DMD: variants seen among roughly 807,000 people sequenced by gnomAD.
DMD encodes the protein mutant dystrophin.
A neutral mutation model predicts 330.1 loss-of-function variants in DMD; 63 were observed. The ratio of observed to expected loss-of-function variants is 0.19; its 90% confidence interval spans 0.16 to 0.24. DMD has a LOEUF of 0.24. Among genes scored for constraint, DMD ranks in the 10% least tolerant of loss-of-function variants. The pLI, the probability that DMD is intolerant of heterozygous loss-of-function variation, is 1.00. For missense variants in DMD, 3,344 were observed against 2,684.1 expected, an observed-to-expected ratio of 1.25 and a Z score of -5.43; for synonymous variants, 1,223 against 959.8, an observed-to-expected ratio of 1.27 and a Z score of -5.07.
At chrX:32,465,575 G>GTTT (rs1569563838) in intron 23 of DMD, among the ~76,000 whole-genome samples, 2 of 27,833 alleles carry the variant, frequency 7.2e-5, no homozygotes, top group African/African-American at 1.2e-4. Flanking sequence ...TTTTTTGTTT[G>GTTT]TTTTTTGTTT....
chrX:33,217,171 A>G (rs753447650), intron 1 of DMD, among the ~76,000 whole-genome samples: 1 of 111,601 alleles, frequency 9.0e-6, no homozygotes, highest in African/African-American at 3.2e-5. Context: ...TATAAGGCAT[A>G]TATTTCTTAG....
rs1296838767 is a variant in DMD at position 32,019,691 on chromosome X, A to G, written c.6439-51177T>C. Among the ~76,000 whole-genome samples, 3 of 112,152 alleles carry G rather than the reference A, an allele frequency of 2.7e-5. No individual in the cohort carries two copies. In the Admixed American group the frequency reaches 2.8e-4, roughly 11 times the overall value. On this transcript the variant is annotated intron_variant, in intron 44 of 78. Transcript: ENST00000357033. ...GTATGCTGTACTTTGTCCCATCTCA[A>G]TGAAATTACATGCAGCAAATTTGTT...
intron 7 of DMD, among the ~76,000 whole-genome samples, chrX:32,722,101 CT>C (rs966689128): frequency 9.1e-6 from 1 of 109,676 alleles, no homozygotes; most frequent in Non-Finnish European, 1.9e-5. Flanking sequence ...GTATTTCCAA[CT>C]TTTTTTTCCT....
chrX:31,898,475 A>G lies in DMD; in HGVS notation c.6913-23102T>C, dbSNP rs753960103. ...TCAGAAGTAACGCCGCATATCTACA[A>G]CTATCTGATCTTTGACAAACCTGAG... is the stretch of plus-strand genomic sequence containing the variant. On this transcript the variant is annotated intron_variant, in intron 47 of 78. Coordinates refer to ENST00000357033, the MANE Select transcript of DMD (RefSeq NM_004006.3). Among the ~76,000 whole-genome samples, 25 of 111,119 alleles carry G rather than the reference A, an allele frequency of 2.2e-4. 1 individual carries two copies. The highest frequency in any genetic ancestry group is 7.9e-4 in the African/African-American group (24 of 30,572).
chrX:32,195,958 C>G (rs145754006), intron 44 of DMD, among the ~76,000 whole-genome samples: 156 of 111,926 alleles, frequency 1.4e-3, no homozygotes, highest in African/African-American at 5.0e-3. Context: ...TCATTTGTTA[C>G]TATCTATCTT....
intron 44 of DMD, among the ~76,000 whole-genome samples, chrX:32,165,336 G>T (rs77039249): frequency 1.8e-5 from 2 of 112,822 alleles, no homozygotes; most frequent in Non-Finnish European, 3.7e-5. Flanking sequence ...CCCACCTCTT[G>T]CATCAGTGTT....
At chrX:32,286,607 C>G (rs5971615) in intron 43 of DMD, among the ~76,000 whole-genome samples, 37,836 of 110,740 alleles carry the variant, frequency 0.34, 4,782 homozygotes, top group Middle Eastern at 0.51. Context: ...AGCTCTTACA[C>G]TTTAGAAAAA....
intron 11 of DMD, among the ~76,000 whole-genome samples, chrX:32,622,534 C>T (rs2058065398): frequency 9.0e-6 from 1 of 111,686 alleles, no homozygotes. Context: ...CACTCTTGAT[C>T]ATATTTAATA....
chrX:31,255,234 T>A (rs2147546573), intron 63 of DMD, among the ~76,000 whole-genome samples: 1 of 111,335 alleles, frequency 9.0e-6, no homozygotes, highest in African/African-American at 3.3e-5. Context: ...AATATTATAT[T>A]AGTATTTCAA....
intron 47 of DMD, among the ~76,000 whole-genome samples, chrX:31,920,721 T>G (rs1324886142): frequency 1.8e-5 from 2 of 112,222 alleles, no homozygotes; most frequent in Non-Finnish European, 3.8e-5. Context: ...CTCTTCATCA[T>G]TTTAAATCCA....
chrX:32,850,104 GGA>G (rs1052927430), intron 2 of DMD, among the ~76,000 whole-genome samples: 3 of 111,605 alleles, frequency 2.7e-5, no homozygotes, highest in Non-Finnish European at 5.6e-5. Context: ...ATTCTATGAA[GGA>G]GAGAAAAAAT....
At chrX:32,206,981 AG>A (rs777381439) in intron 44 of DMD, among the ~76,000 whole-genome samples, 166 of 111,767 alleles carry the variant, frequency 1.5e-3, no homozygotes, top group African/African-American at 4.9e-3. Flanking sequence ...ACATAGTAGT[AG>A]CAGTGGTCAG....
At chrX:32,340,795 C>T (rs1359036966) in intron 41 of DMD, among the ~76,000 whole-genome samples, 1 of 111,765 alleles carries the variant, frequency 8.9e-6, no homozygotes, top group Non-Finnish European at 1.9e-5. Context: ...ATTTATGACA[C>T]ATTACATTCA....
chrX:31,372,299 C>A (rs1479666878), intron 60 of DMD, among the ~76,000 whole-genome samples: 1 of 111,955 alleles, frequency 8.9e-6, no homozygotes, highest in Non-Finnish European at 1.9e-5. Flanking sequence ...GCATAGAGTA[C>A]AAGTAGAAAG....
intron 1 of DMD, among the ~76,000 whole-genome samples, chrX:33,025,693 T>C (rs1228052269): frequency 9.0e-6 from 1 of 110,800 alleles, no homozygotes; most frequent in Non-Finnish European, 1.9e-5. Flanking sequence ...GCTAGGACTC[T>C]AGGCACACAT....
intron 55 of DMD, among the ~76,000 whole-genome samples, chrX:31,571,595 A>G (rs1012854998): frequency 2.7e-5 from 3 of 111,526 alleles, no homozygotes; most frequent in South Asian, 3.8e-4. Flanking sequence ...CTCAGTAGCC[A>G]TATGCTACAG....
intron 54 of DMD, among the ~76,000 whole-genome samples, chrX:31,652,139 C>CT (rs1455914720): frequency 8.9e-6 from 1 of 112,010 alleles, no homozygotes; most frequent in Non-Finnish European, 1.9e-5. Context: ...TATTAGGACT[C>CT]TCCTGGACTA....
At chrX:32,545,132 G>A in intron 17 of DMD, 27 bp downstream of exon 17, 1 of 1,190,515 alleles carries the variant, frequency 8.4e-7, no homozygotes, top group African/African-American at 1.7e-5. Context: ...CACTTCATTT[G>A]CAGATAAAAG....
intron 1 of DMD, among the ~76,000 whole-genome samples, chrX:33,250,096 T>TATATATATATATATATATAC (rs2052746478): frequency 1.0e-5 from 1 of 97,242 alleles, no homozygotes; most frequent in African/African-American, 4.3e-5. Flanking sequence ...TATATATATA[T>TATATATATATATATATATAC]ATATATATAT....
Sources: allele counts gnomAD v4.1 joint callset (sites outside exome capture counted in the v4.1 genomes callset), GRCh38; gene constraint gnomAD v4.1.1; transcripts MANE v1.5; gene names NCBI Gene and HGNC (gene_info 2026-07-23, HGNC 2026-07-21).